Variants in MAGI1 observed in about 807,000 individuals in gnomAD.
The protein encoded by MAGI1 is membrane associated guanylate kinase, WW and PDZ domain containing 1.
MAGI1 carries 58 observed loss-of-function variants against 139.9 expected under a neutral mutation model. That is an observed-to-expected ratio of 0.41 (90% confidence interval 0.34 to 0.52). MAGI1 has a LOEUF of 0.52. MAGI1 is among the 20% of genes least tolerant of loss of function. The probability of loss-of-function intolerance (pLI) is 0.12; values close to 1 mark genes in which losing one functional copy is unlikely to be tolerated. For synonymous variants in MAGI1, 812 were observed against 737.9 expected, an observed-to-expected ratio of 1.10 and a Z score of -1.63; for missense variants, 1,874 against 1,901.6, an observed-to-expected ratio of 0.99 and a Z score of 0.27.
intron 2 of MAGI1, among the ~76,000 whole-genome samples, chr3:65,611,581 A>T (rs1470940644): frequency 2.0e-5 from 3 of 146,826 alleles, no homozygotes; most frequent in Non-Finnish European, 4.5e-5. Context: ...CACTATATAT[A>T]CTATACTAGT....
intron 2 of MAGI1, among the ~76,000 whole-genome samples, chr3:65,596,546 C>A (rs1204243175): frequency 6.6e-6 from 1 of 152,070 alleles, no homozygotes; most frequent in Non-Finnish European, 1.5e-5. Flanking sequence ...CCATACATAC[C>A]CTCAAATAAT....
chr3:65,636,870 C>T (rs1055831403), intron 1 of MAGI1, among the ~76,000 whole-genome samples: 2 of 152,202 alleles, frequency 1.3e-5, no homozygotes, highest in Non-Finnish European at 2.9e-5. Flanking sequence ...TCAATGAATT[C>T]CAAGTACAAA....
chr3:65,784,746 A>C (rs2039245613), intron 1 of MAGI1, among the ~76,000 whole-genome samples: 1 of 152,016 alleles, frequency 6.6e-6, no homozygotes, highest in Non-Finnish European at 1.5e-5. Flanking sequence ...GAAAAAAAAA[A>C]ATGTGGTATA....
chr3:65,618,715 T>A (rs2107024090), intron 2 of MAGI1, among the ~76,000 whole-genome samples: 1 of 152,314 alleles, frequency 6.6e-6, no homozygotes, highest in South Asian at 2.1e-4. Context: ...TATTAACCTC[T>A]CTTGAGCCTC....
At chr3:65,462,438 G>A (rs1949867557) in intron 5 of MAGI1, among the ~76,000 whole-genome samples, 1 of 152,102 alleles carries the variant, frequency 6.6e-6, no homozygotes, top group Non-Finnish European at 1.5e-5. Flanking sequence ...TAGATATGTG[G>A]TGTTATTTCT....
intron 1 of MAGI1, among the ~76,000 whole-genome samples, chr3:65,726,678 G>A (rs977464262): frequency 6.6e-6 from 1 of 152,068 alleles, no homozygotes; most frequent in Non-Finnish European, 1.5e-5. Flanking sequence ...ATCCACAAGT[G>A]TGCTATAAAG....
chr3:65,649,040 T>G (rs78864680), intron 1 of MAGI1, among the ~76,000 whole-genome samples: 2,079 of 152,244 alleles, frequency 0.014, 46 homozygotes, highest in African/African-American at 0.047. Context: ...CCTCATATCT[T>G]ACACAAAAAT....
chr3:65,483,716 C>T (rs921346887), intron 3 of MAGI1, among the ~76,000 whole-genome samples: 5 of 152,176 alleles, frequency 3.3e-5, no homozygotes, highest in Non-Finnish European at 7.3e-5. Context: ...ATTTTCAGAA[C>T]TGGTTCTACA....
chr3:65,621,233 T>G (rs1012026454), intron 2 of MAGI1, among the ~76,000 whole-genome samples: 3 of 152,126 alleles, frequency 2.0e-5, no homozygotes, highest in Non-Finnish European at 4.4e-5. Flanking sequence ...TTAAAAGAAA[T>G]TAAACAACCA....
Position 65,470,497 on chromosome 3 carries a change from G to T in MAGI1, c.758-13C>A, listed in dbSNP as rs1273272405. On this transcript the variant is annotated splice_polypyrimidine_tract_variant and intron_variant, in intron 4 of 22. Transcript: ENST00000402939. ...TCACCAGAATCGGCTGCTTAATCAT[G>T]TGAAGAGGTGAGAGAGAGAGAGAGA... The T allele has an allele frequency of 1.3e-6, 2 of 1,565,002 alleles. No homozygotes were observed. The highest frequency in any genetic ancestry group is 1.4e-5 in the African/African-American group (1 of 73,072).
chr3:65,744,329 A>G lies in MAGI1; in HGVS notation c.314-122241T>C, dbSNP rs115391559. On this transcript the variant is annotated intron_variant, in intron 1 of 22. Transcript: ENST00000402939. ...AGAACTGGTTTGCATAGGTTAGACG[A>G]TGTGACTCCAGATTTTGAACCCCAT... Among the ~76,000 whole-genome samples, 594 of 152,322 alleles carry G rather than the reference A, an allele frequency of 3.9e-3. 11 individuals are homozygous for G. The highest frequency in any genetic ancestry group is 0.014 in the African/African-American group (570 of 41,576).
chr3:65,837,640 T>C (rs1335563559), intron 1 of MAGI1, among the ~76,000 whole-genome samples: 1 of 152,220 alleles, frequency 6.6e-6, no homozygotes, highest in Non-Finnish European at 1.5e-5. Flanking sequence ...GTATAAACAC[T>C]AAATACGAAT....
chr3:65,445,550 G>C (rs1242698104), intron 7 of MAGI1, among the ~76,000 whole-genome samples: 1 of 152,150 alleles, frequency 6.6e-6, no homozygotes, highest in East Asian at 1.9e-4. Context: ...CAAAATCAGA[G>C]ATACATTTCA....
intron 1 of MAGI1, among the ~76,000 whole-genome samples, chr3:65,890,896 C>T (rs964820526): frequency 6.6e-6 from 1 of 152,140 alleles, no homozygotes; most frequent in Non-Finnish European, 1.5e-5. Flanking sequence ...TAAAATGTAT[C>T]GCCTCGTTTG....
At chr3:65,405,818 C>T (rs1178948050) in intron 12 of MAGI1, among the ~76,000 whole-genome samples, 1 of 134,922 alleles carries the variant, frequency 7.4e-6, no homozygotes, top group Non-Finnish European at 1.7e-5. Context: ...TGCTCTCAAA[C>T]TCCTGACCTC....
At chr3:65,786,463 C>G (rs1314402268) in intron 1 of MAGI1, among the ~76,000 whole-genome samples, 3 of 151,938 alleles carry the variant, frequency 2.0e-5, no homozygotes, top group East Asian at 3.9e-4. Flanking sequence ...TGCGCCACCA[C>G]ACCCAGCTAA....
chr3:65,994,657 G>A (rs1472338196), intron 1 of MAGI1, among the ~76,000 whole-genome samples: 2 of 152,204 alleles, frequency 1.3e-5, no homozygotes, highest in Non-Finnish European at 2.9e-5. Flanking sequence ...TGAGCTATCT[G>A]TTGGGGTGAA....
In MAGI1 at chr3:65,356,241, G is replaced by A; in HGVS notation, c.*137C>T. The A allele has an allele frequency of 2.6e-6, 2 of 761,408 alleles. No homozygotes were observed. Among genetic ancestry groups the A allele is most frequent in the South Asian group, 2.7e-5 (1 of 36,486 alleles). The allele number at this position is 761,408 out of a possible 1,614,324, so 47.2% of individuals were successfully genotyped here. On this transcript the variant is annotated 3_prime_UTR_variant, in exon 23 of 23. Transcript: ENST00000402939. ...TATTTTTTCTTATAAGATTTCAAAT[G>A]CATAAAATGTTTGTTGTTATTCATA...
intron 1 of MAGI1, among the ~76,000 whole-genome samples, chr3:65,679,653 T>C (rs920441512): frequency 5.3e-5 from 8 of 152,080 alleles, no homozygotes; most frequent in Non-Finnish European, 1.0e-4. Flanking sequence ...CAGAACCAGA[T>C]ACAGGGAGCA....
Sources: allele counts gnomAD v4.1 joint callset (sites outside exome capture counted in the v4.1 genomes callset), GRCh38; gene constraint gnomAD v4.1.1; transcripts MANE v1.5; gene names NCBI Gene and HGNC (gene_info 2026-07-23, HGNC 2026-07-21).